KLRC4: variants seen among roughly 807,000 people sequenced by gnomAD.
KLRC4 encodes the protein killer cell lectin like receptor C4.
A neutral mutation model predicts 14.3 loss-of-function variants in KLRC4; 6 were observed. That is an observed-to-expected ratio of 0.42 (90% confidence interval 0.23 to 0.83). The LOEUF (loss-of-function observed/expected upper bound fraction) is 0.83. Ranked by LOEUF, KLRC4 falls within the 40% of genes least tolerant of loss-of-function variation. The probability of loss-of-function intolerance (pLI) is 0.29; values close to 1 mark genes in which losing one functional copy is unlikely to be tolerated. For synonymous variants in KLRC4, 53 were observed against 60.5 expected (o/e 0.88, Z 0.57); for missense variants, 158 against 179.4 (o/e 0.88, Z 0.68).
intron 1 of KLRC4, 83 bp from the exon 2 acceptor site, chr12:10,409,093 A>C: frequency 7.0e-7 from 1 of 1,432,978 alleles, no homozygotes; most frequent in Non-Finnish European, 9.8e-7. Context: ...TCACGTGCAC[A>C]GGAAAACATA....
At position 10,407,602 on chromosome 12, in the gene KLRC4, CT is replaced by C; in HGVS notation, c.*50del. The stretch of plus-strand genomic sequence containing the variant: ...CAAATATGATATTGACAGAAATAAG[CT>C]TTTAGTAAAGTGTTGAAACATTTAC... On this transcript the variant is annotated 3_prime_UTR_variant, in exon 4 of 4. Transcript: ENST00000309384. The C allele has an allele frequency of 6.3e-7, 1 of 1,584,244 alleles. No homozygotes were observed. The highest frequency in any genetic ancestry group is 8.6e-7 in the Non-Finnish European group (1 of 1,164,992).
chr12:10,409,176 A>C (rs2447702), intron 1 of KLRC4, among the ~76,000 whole-genome samples, 166 bp from the exon 2 acceptor site: 1 of 152,358 alleles, frequency 6.6e-6, no homozygotes, highest in Middle Eastern at 3.4e-3. Flanking sequence ...TTTCATTATC[A>C]GTAAATATAA....
Position 10,409,318 on chromosome 12 carries a change from C to G in KLRC4, c.187+71G>C. 2.1e-6 allele frequency: 3 copies of G among 1,451,490 alleles called. No individual in the cohort carries two copies. In the South Asian group the frequency reaches 3.6e-5, roughly 18 times the overall value. 89.9% of individuals were successfully genotyped at this position (1,451,490 alleles called of 1,614,324 possible). A position where few individuals can be genotyped will look rare whatever the true frequency, so the allele number is the denominator to read the frequency against. On this transcript the variant is annotated intron_variant, in intron 1 of 3. Transcript: ENST00000309384. Reference sequence around the variant, plus strand: ...TCACAAGTGCAAAATATTCCCTAATCTTTCCCCACCTTTCTGCATTCAACT... The same window carrying G: ...TCACAAGTGCAAAATATTCCCTAATGTTTCCCCACCTTTCTGCATTCAACT...
chr12:10,409,300 T>TTCCCTAATTAG, intron 1 of KLRC4, 89 bp downstream of exon 1: 4 of 1,323,106 alleles, frequency 3.0e-6, no homozygotes, highest in Non-Finnish European at 4.2e-6. Flanking sequence ...TTCTCACAAG[T>TTCCCTAATTAG]GCAAAATATT....
In KLRC4 at chr12:10,409,022, G is replaced by T; in HGVS notation, c.188-12C>A. On this transcript the variant is annotated splice_polypyrimidine_tract_variant and intron_variant, in intron 1 of 3. Coordinates refer to ENST00000309384, the MANE Select transcript of KLRC4 (RefSeq NM_013431.2). ...AGGTGGCAGTAAACCTGCAGGGAGA[G>T]AAAGAGGCACTGAGAGAGGGGAGAT... The T allele has an allele frequency of 6.2e-7, 1 of 1,613,568 alleles. No homozygotes were observed. Among genetic ancestry groups the T allele is most frequent in the Non-Finnish European group, 8.5e-7 (1 of 1,179,634 alleles).
At position 10,407,711 on chromosome 12, in the gene KLRC4, G is replaced by GCT; in HGVS notation, c.418_419insAG (p.Thr140LysfsTer16). 1 of 1,613,744 alleles carries GCT rather than the reference G, an allele frequency of 6.2e-7. No individual in the cohort carries two copies. ...AGGCCAGCAAACTCTTTCTTCCCAA[G>GCT]TTCTTCTTTCCTTACCAATGTAATA... On this transcript the variant is annotated frameshift_variant, in exon 4 of 4. Transcript: ENST00000309384. LOFTEE classifies it low-confidence loss of function (END_TRUNC).
intron 3 of KLRC4, 58 bp from the exon 4 acceptor site, chr12:10,407,847 T>C: frequency 1.3e-6 from 2 of 1,559,196 alleles, no homozygotes; most frequent in South Asian, 2.5e-5. Flanking sequence ...AAAATTATTT[T>C]ATATATTTGC....
intron 3 of KLRC4, among the ~76,000 whole-genome samples, chr12:10,408,099 G>C (rs1006650892): frequency 6.6e-6 from 1 of 152,056 alleles, no homozygotes. Flanking sequence ...TCTTATAGTA[G>C]TAGGAAATTT....
Position 10,407,650 on chromosome 12 carries a change from T to C in KLRC4, c.*3A>G. Reference sequence around the variant, plus strand: ...TTACGTCTTACCATTTCTTCCTCATTATCTATAGAAAGCAGATCAGAGTTC... The same window carrying C: ...TTACGTCTTACCATTTCTTCCTCATCATCTATAGAAAGCAGATCAGAGTTC... On this transcript the variant is annotated 3_prime_UTR_variant, in exon 4 of 4. Transcript: ENST00000309384. 3.7e-6 allele frequency: 6 copies of C among 1,611,082 alleles called. No homozygotes were observed. The highest frequency in any genetic ancestry group is 5.1e-6 in the Non-Finnish European group (6 of 1,179,072).
Position 10,407,407 on chromosome 12 carries a change from G to T in KLRC4, c.*246C>A. Reference sequence around the variant, plus strand: ...GCTTAGTTTTCTTTATATTTATTTTGTGATAAAAACATTTATAGAAGCATG... The same window carrying T: ...GCTTAGTTTTCTTTATATTTATTTTTTGATAAAAACATTTATAGAAGCATG... On this transcript the variant is annotated 3_prime_UTR_variant, in exon 4 of 4. Transcript: ENST00000309384. The T allele has an allele frequency of 2.5e-6, 1 of 401,986 alleles. No individual in the cohort carries two copies. The highest frequency in any genetic ancestry group is 4.4e-6 in the Non-Finnish European group (1 of 229,598). The allele number at this position is 401,986 out of a possible 1,614,324, so 24.9% of individuals were successfully genotyped here.
intron 3 of KLRC4, 89 bp from the exon 4 acceptor site, chr12:10,407,878 A>G (rs965553828): frequency 1.8e-5 from 27 of 1,477,198 alleles, no homozygotes; most frequent in Non-Finnish European, 2.2e-5. Flanking sequence ...ACATACAGGT[A>G]CACAATATCT....
Position 10,409,610 on chromosome 12 carries a change from A to T in KLRC4, c.-35T>A. The T allele has an allele frequency of 6.3e-7, 1 of 1,581,674 alleles. No homozygotes were observed. Among genetic ancestry groups the T allele is most frequent in the Non-Finnish European group, 8.6e-7 (1 of 1,166,980 alleles). ...TGTGTGATGTCAGGGACTGTGCTCTATGATAACTGCACTTAAGAAGCTATA... is the reference window on the plus strand; with the variant it reads ...TGTGTGATGTCAGGGACTGTGCTCTTTGATAACTGCACTTAAGAAGCTATA... On this transcript the variant is annotated 5_prime_UTR_variant, in exon 1 of 4. Transcript: ENST00000309384.
At chr12:10,409,076 A>C in intron 1 of KLRC4, 66 bp from the exon 2 acceptor site, 1 of 1,560,396 alleles carries the variant, frequency 6.4e-7, no homozygotes, top group Non-Finnish European at 8.8e-7. Flanking sequence ...TTTACGTACA[A>C]GAGAACTCAC....
At chr12:10,407,841 T>C in intron 3 of KLRC4, 52 bp from the exon 4 acceptor site, 1 of 1,563,914 alleles carries the variant, frequency 6.4e-7, no homozygotes, top group South Asian at 1.2e-5. Context: ...CAAATGAAAA[T>C]TATTTTATAT....
rs1405912815 is a variant in KLRC4, at chr12:10,407,689, C to G, written c.441G>C (p.Trp147Cys). Residue 147 changes from tryptophan to cysteine, a missense_variant, in exon 4 of 4, where the codon TGG becomes TGC. Transcript: ENST00000309384. ...ERRTWEERVC[W>C]PVLRRTLICF... ...AGATCAGAGTTCTTCGAAGCACAGGCCAGCAAACTCTTTCTTCCCAAGTTC... is the reference window on the plus strand; with the variant it reads ...AGATCAGAGTTCTTCGAAGCACAGGGCAGCAAACTCTTTCTTCCCAAGTTC... The G allele has an allele frequency of 6.2e-7, 1 of 1,613,680 alleles. No individual in the cohort carries two copies. The highest frequency in any genetic ancestry group is 8.5e-7 in the Non-Finnish European group (1 of 1,179,832).
In KLRC4 at chr12:10,407,656, T is replaced by C. The variant is rs761398099; in HGVS notation, c.474A>G (p.Leu158=). 4 of 1,613,202 alleles carry C rather than the reference T, an allele frequency of 2.5e-6. No homozygotes were observed. In the South Asian group the frequency reaches 3.3e-5, roughly 13 times the overall value. ...PVLRRTLICF[L] ...CTTACCATTTCTTCCTCATTATCTATAGAAAGCAGATCAGAGTTCTTCGAA... is the reference window on the plus strand; with the variant it reads ...CTTACCATTTCTTCCTCATTATCTACAGAAAGCAGATCAGAGTTCTTCGAA... Residue 158 remains leucine, a synonymous_variant, in exon 4 of 4, where the codon CTA becomes CTG. Transcript: ENST00000309384.
intron 3 of KLRC4, among the ~76,000 whole-genome samples, 198 bp downstream of exon 3, chr12:10,408,131 A>T (rs1349723712): frequency 6.6e-6 from 1 of 152,148 alleles, no homozygotes; most frequent in Non-Finnish European, 1.5e-5. Flanking sequence ...ATGCAACAAG[A>T]GGGTATAATG....
rs373322943 is a variant in KLRC4 at position 10,408,921 on chromosome 12, G to T, written c.277C>A (p.Leu93Ile). The change falls in exon 2 of 4, where the codon CTT (leucine) becomes ATT (isoleucine). Residue 93 changes from leucine to isoleucine, a missense_variant. Coordinates refer to ENST00000309384, the MANE Select transcript of KLRC4 (RefSeq NM_013431.2). ...LMATVLKTIV[L>I]IPCIGVLEQN... The stretch of plus-strand genomic sequence containing the variant: ...TCAAGAATATGCTTACAAGGAATAA[G>T]AACTATTGTTTTTAACACAGTGGCC... 1 of 1,613,522 alleles carries T rather than the reference G, an allele frequency of 6.2e-7. No individual in the cohort carries two copies. Among genetic ancestry groups the T allele is most frequent in the Non-Finnish European group, 8.5e-7 (1 of 1,179,682 alleles).
intron 3 of KLRC4, 149 bp from the exon 4 acceptor site, chr12:10,407,938 T>C: frequency 1.7e-6 from 2 of 1,162,754 alleles, no homozygotes; most frequent in Non-Finnish European, 2.3e-6. Context: ...GAGTCACTCA[T>C]ACGCACATGC....
Sources: gnomAD v4.1 joint callset for allele counts (sites outside exome capture counted in the v4.1 genomes callset) on GRCh38, gnomAD v4.1.1 for gene constraint, MANE v1.5 for transcripts, NCBI Gene and HGNC (gene_info 2026-07-23, HGNC 2026-07-21) for gene names.